LRRFIP2: variants seen among roughly 807,000 people sequenced by gnomAD.
LRRFIP2 encodes the protein LRR binding FLII interacting protein 2, also known as leucine-rich repeat flightless-interacting protein 2.
Under a neutral mutation model 125.9 loss-of-function variants are expected in LRRFIP2, and 109 were observed. That is an observed-to-expected ratio of 0.87 (90% CI 0.74 to 1.01). The LOEUF is 1.01. Among genes scored for constraint, LRRFIP2 ranks in the 50% least tolerant of loss-of-function variants. The pLI, the probability that LRRFIP2 is intolerant of heterozygous loss-of-function variation, is 0.00. For missense variants in LRRFIP2, 850 were observed against 862.3 expected (o/e 0.99, Z 0.18); for synonymous variants, 291 against 293.1 (o/e 0.99, Z 0.07).
intron 2 of LRRFIP2, among the ~76,000 whole-genome samples, chr3:37,133,677 G>A (rs1050384197): frequency 6.6e-6 from 1 of 152,046 alleles, no homozygotes; most frequent in Non-Finnish European, 1.5e-5. Context: ...AATGAGTACA[G>A]AGTTCCAGTA....
At chr3:37,143,750 A>G (rs1282092050) in intron 2 of LRRFIP2, 2 of 168,152 alleles carry the variant, frequency 1.2e-5, no homozygotes, top group Non-Finnish European at 2.6e-5. Context: ...GATCCTGGTC[A>G]GGCATTTCAC....
chr3:37,103,883 C>T (rs2094192762), intron 14 of LRRFIP2, among the ~76,000 whole-genome samples: 1 of 152,104 alleles, frequency 6.6e-6, no homozygotes, highest in South Asian at 2.1e-4. Context: ...ATTCCTAGCA[C>T]TTAACACAGG....
intron 7 of LRRFIP2, among the ~76,000 whole-genome samples, chr3:37,113,183 C>T (rs1424881656): frequency 6.6e-6 from 1 of 152,148 alleles, no homozygotes; most frequent in African/African-American, 2.4e-5. Flanking sequence ...CTGCATTCCT[C>T]CCTCACCTCC....
intron 21 of LRRFIP2, chr3:37,068,578 G>GT (rs1463211403): frequency 1.3e-5 from 2 of 152,138 alleles, no homozygotes; most frequent in Non-Finnish European, 2.9e-5. Flanking sequence ...AAAACCCTCT[G>GT]TATTACCTGA....
chr3:37,134,804 A>T, intron 2 of LRRFIP2: 1 of 857,878 alleles, frequency 1.2e-6, no homozygotes, highest in Non-Finnish European at 2.0e-6. Context: ...AAAGCGGTGT[A>T]TTCTTTTTGG....
rs557566439 is a variant in LRRFIP2 at position 37,095,144 on chromosome 3, C to T, written c.919-236G>A. Among the ~76,000 whole-genome samples the T allele has an allele frequency of 2.0e-5, 3 of 152,166 alleles. No individual in the cohort carries two copies. In the East Asian group the frequency reaches 5.8e-4, roughly 29 times the overall value. ...AAATACCTTATCAAAATCTATAATT[C>T]GTAATAACCAAAAAGAAAATCGTTT... On this transcript the variant is annotated intron_variant, in intron 16 of 27. Transcript: ENST00000336686.
chr3:37,134,611 T>C, intron 2 of LRRFIP2: 1 of 568,410 alleles, frequency 1.8e-6, no homozygotes, highest in Admixed American at 1.9e-5. Flanking sequence ...GGCCAGACTT[T>C]TGAGCACATA....
In LRRFIP2 at chr3:37,055,173, A is replaced by G; in HGVS notation, c.1871-8T>C. The G allele has an allele frequency of 6.5e-7, 1 of 1,542,266 alleles. No individual in the cohort carries two copies. On this transcript the variant is annotated splice_polypyrimidine_tract_variant and splice_region_variant and intron_variant, in intron 25 of 27. Coordinates refer to ENST00000336686, the MANE Select transcript of LRRFIP2 (RefSeq NM_006309.4). ...TTTGTCTATTGGCATCTCCTAGAAC[A>G]GAAGAAGACAATGAATTATCTTCAC... is the stretch of plus-strand genomic sequence containing the variant.
intron 2 of LRRFIP2, among the ~76,000 whole-genome samples, chr3:37,141,899 C>T (rs2095711583): frequency 6.6e-6 from 1 of 152,184 alleles, no homozygotes; most frequent in Admixed American, 6.5e-5. Flanking sequence ...CAGCAGGTCC[C>T]AGCTCCAGCC....
intron 26 of LRRFIP2, 122 bp from the exon 27 acceptor site, chr3:37,054,637 G>A: frequency 3.0e-6 from 2 of 677,374 alleles, no homozygotes; most frequent in South Asian, 1.9e-5. Flanking sequence ...GTCCCCTAAG[G>A]GTGACTCATA....
chr3:37,091,084 C>T (rs1394477466), intron 18 of LRRFIP2, among the ~76,000 whole-genome samples: 1 of 152,026 alleles, frequency 6.6e-6, no homozygotes, highest in Non-Finnish European at 1.5e-5. Flanking sequence ...GGTTTTAAAA[C>T]TGTAAAGGAG....
Position 37,053,029 on chromosome 3 carries a change from A to C in LRRFIP2, c.*822T>G, listed in dbSNP as rs1171890491. On this transcript the variant is annotated 3_prime_UTR_variant, in exon 28 of 28. Coordinates refer to ENST00000336686, the MANE Select transcript of LRRFIP2 (RefSeq NM_006309.4). Reference sequence around the variant, plus strand: ...TTGTGGTTGGCAAAAGGGTGTATTTAATAGAATCTGCAGGCAGATTTCCAA... The same window carrying C: ...TTGTGGTTGGCAAAAGGGTGTATTTCATAGAATCTGCAGGCAGATTTCCAA... The C allele has an allele frequency of 6.6e-6, 1 of 152,592 alleles. No homozygotes were observed. Among genetic ancestry groups the C allele is most frequent in the Non-Finnish European group, 1.5e-5 (1 of 68,022 alleles). 9.5% of individuals were successfully genotyped at this position (152,592 alleles called of 1,614,324 possible). A position where few individuals can be genotyped will look rare whatever the true frequency, so the allele number is the denominator to read the frequency against.
At chr3:37,137,229 C>T (rs1285096726) in intron 2 of LRRFIP2, among the ~76,000 whole-genome samples, 1 of 152,110 alleles carries the variant, frequency 6.6e-6, no homozygotes, top group African/African-American at 2.4e-5. Context: ...CTGCATGCCT[C>T]GGCCTCCCAA....
chr3:37,097,630 TATCTC>T (rs1426517066), intron 15 of LRRFIP2, among the ~76,000 whole-genome samples: 4 of 152,168 alleles, frequency 2.6e-5, no homozygotes, highest in Non-Finnish European at 5.9e-5. Flanking sequence ...AGTAGCCTGT[TATCTC>T]AACTTGCCAC....
intron 7 of LRRFIP2, among the ~76,000 whole-genome samples, chr3:37,114,064 C>T (rs2094662010): frequency 6.6e-6 from 1 of 151,872 alleles, no homozygotes; most frequent in South Asian, 2.1e-4. Context: ...AACCATCTCA[C>T]ATATATATAG....
rs1013738990 is a variant in LRRFIP2 at position 37,083,886 on chromosome 3, G to A, written c.1108-80C>T. 1.3e-4 allele frequency: 139 copies of A among 1,048,352 alleles called. 1 individual carries two copies. Among genetic ancestry groups the A allele is most frequent in the South Asian group, 1.3e-3 (80 of 63,298 alleles). The allele number at this position is 1,048,352 out of a possible 1,614,324, so 64.9% of individuals were successfully genotyped here. On this transcript the variant is annotated intron_variant, in intron 18 of 27. Coordinates refer to ENST00000336686, the MANE Select transcript of LRRFIP2 (RefSeq NM_006309.4). The stretch of plus-strand genomic sequence containing the variant: ...CAATATAACAGGAAATTATAGCACT[G>A]CCACAAACACATAAAGATGCATTTT...
chr3:37,163,581 C>T (rs929840364), intron 1 of LRRFIP2, among the ~76,000 whole-genome samples: 4 of 152,298 alleles, frequency 2.6e-5, no homozygotes, highest in Admixed American at 2.0e-4. Context: ...AACAGACCAC[C>T]ACTCTGTCAC....
Position 37,174,538 on chromosome 3 carries a change from C to T in LRRFIP2, c.-56+1G>A, listed in dbSNP as rs2150484632. 6.6e-6 allele frequency: 1 copy of T among 152,194 alleles called. No homozygotes were observed. The highest frequency in any genetic ancestry group is 2.1e-4 in the South Asian group (1 of 4,822). The allele number at this position is 152,194 out of a possible 1,614,324, so 9.4% of individuals were successfully genotyped here. On this transcript the variant is annotated splice_donor_variant, in intron 1 of 27. Transcript: ENST00000336686. LOFTEE classifies it low-confidence loss of function (5UTR_SPLICE). ...AATTCTTTCAGTGAACATTTTCATACCTTAGTGATGGTAGCTCTCCTTTCC... is the reference window on the plus strand; with the variant it reads ...AATTCTTTCAGTGAACATTTTCATATCTTAGTGATGGTAGCTCTCCTTTCC...
intron 25 of LRRFIP2, among the ~76,000 whole-genome samples, chr3:37,057,449 A>C (rs1206447790): frequency 1.3e-5 from 2 of 152,226 alleles, no homozygotes; most frequent in Non-Finnish European, 2.9e-5. Flanking sequence ...AAATGTCACA[A>C]GTGTCCTAAC....
Sources: allele counts gnomAD v4.1 joint callset (sites outside exome capture counted in the v4.1 genomes callset), GRCh38; gene constraint gnomAD v4.1.1; transcripts MANE v1.5; gene names NCBI Gene and HGNC (gene_info 2026-07-23, HGNC 2026-07-21).